The following NDUFA11 variants were observed in gnomAD, a reference collection of about 807,000 sequenced individuals.
NDUFA11 encodes the protein NADH:ubiquinone oxidoreductase subunit A11, also known as NADH dehydrogenase [ubiquinone] 1 alpha subcomplex subunit 11.
NDUFA11 carries 14 observed loss-of-function variants against 11.3 expected under a neutral mutation model. The observed-to-expected ratio is 1.24, with a 90% CI of 0.82 to 1.94. The LOEUF (loss-of-function observed/expected upper bound fraction) is 1.94, where lower values mean the gene tolerates loss of function less well. Among genes scored for constraint, NDUFA11 ranks in the 30% most tolerant of loss-of-function variants. The pLI is 0.00. For synonymous variants in NDUFA11, 87 were observed against 85.6 expected, an observed-to-expected ratio of 1.02 and a Z score of -0.09; for missense variants, 204 against 200.3, an observed-to-expected ratio of 1.02 and a Z score of -0.11.
downstream of NDUFA11, chr19:5,891,887 T>A (rs1456724890): frequency 1.3e-5 from 2 of 152,012 alleles, no homozygotes; most frequent in Non-Finnish European, 2.9e-5. Context: ...AAGGGCTCCA[T>A]GAAGTTCAAG....
At chr19:5,899,361 G>A (rs2057630524) in intron 1 of NDUFA11, among the ~76,000 whole-genome samples, 1 of 151,060 alleles carries the variant, frequency 6.6e-6, no homozygotes, top group Admixed American at 6.6e-5. Context: ...GTGTTAGCCA[G>A]GATGGTCTCC....
chr19:5,893,711 T>C (rs1351576875), downstream of NDUFA11, among the ~76,000 whole-genome samples: 2 of 152,000 alleles, frequency 1.3e-5, no homozygotes, highest in Non-Finnish European at 2.9e-5. This position sits in a 1 kb window ranked among gnomAD's most constrained non-coding sequence, Gnocchi z 4.1. Flanking sequence ...CCAGGCTGAG[T>C]TACTACTCGG....
intron 1 of NDUFA11, among the ~76,000 whole-genome samples, chr19:5,903,358 G>A (rs2057657531): frequency 6.6e-6 from 1 of 152,062 alleles, no homozygotes; most frequent in Non-Finnish European, 1.5e-5. Context: ...GCGATAGCTT[G>A]GGACCGCCTC....
chr19:5,903,529 C>T, intron 1 of NDUFA11, 83 bp downstream of exon 1: 1 of 1,330,174 alleles, frequency 7.5e-7, no homozygotes, highest in Non-Finnish European at 1.0e-6. Context: ...CTCCCAGACC[C>T]GTTCGATCCA....
chr19:5,897,216 C>G (rs2057616012), intron 1 of NDUFA11, among the ~76,000 whole-genome samples: 1 of 152,182 alleles, frequency 6.6e-6, no homozygotes, highest in Non-Finnish European at 1.5e-5. Context: ...CCCCGCCAGG[C>G]CTTCCTTGGC....
intron 1 of NDUFA11, chr19:5,901,211 T>C: frequency 1.1e-6 from 1 of 918,762 alleles, no homozygotes; most frequent in South Asian, 2.0e-5. Context: ...CATTTTGTAT[T>C]CACACATGAG....
chr19:5,894,543 C>CT (rs2057595206), downstream of NDUFA11: 1 of 1,151,894 alleles, frequency 8.7e-7, no homozygotes, highest in Non-Finnish European at 1.2e-6. Flanking sequence ...GGCTGGTACC[C>CT]TTGGCAGGGA....
In NDUFA11 at chr19:5,896,214, C is replaced by T. The variant is rs572709353; in HGVS notation, c.313+239G>A. On this transcript the variant is annotated intron_variant, in intron 3 of 3. Coordinates refer to ENST00000308961, the MANE Select transcript of NDUFA11 (RefSeq NM_175614.5). This position sits in a 1 kb window ranked among gnomAD's most constrained non-coding sequence, Gnocchi z 5.8. ...ATGTGGGAGGAGCAGTGAGGAGGCC[C>T]GTGTGGCTGGAGCAGAGTGAGGAGG... is the stretch of plus-strand genomic sequence containing the variant. The T allele has an allele frequency of 2.7e-4, 158 of 578,760 alleles. No individual in the cohort carries two copies. In the African/African-American group the frequency reaches 3.0e-3, roughly 11 times the overall value. 35.9% of individuals were successfully genotyped at this position (578,760 alleles called of 1,614,324 possible).
At chr19:5,900,629 G>C (rs58883309) in intron 1 of NDUFA11, among the ~76,000 whole-genome samples, 1 of 152,188 alleles carries the variant, frequency 6.6e-6, no homozygotes, top group Non-Finnish European at 1.5e-5. Context: ...GAAGAATTTA[G>C]GGAGAAGGGT....
Position 5,896,752 on chromosome 19 carries a change from A to G in NDUFA11, c.190+153T>C. On this transcript the variant is annotated intron_variant, in intron 2 of 3. Coordinates refer to ENST00000308961, the MANE Select transcript of NDUFA11 (RefSeq NM_175614.5). The surrounding 1 kb of genome is among the most constrained non-coding windows in gnomAD (Gnocchi z 5.8). Reference sequence around the variant, plus strand: ...TCCTGGGCCTCCCCACCCTACATGTATTCCTGATAAAGGAACACCCCACTT... The same window carrying G: ...TCCTGGGCCTCCCCACCCTACATGTGTTCCTGATAAAGGAACACCCCACTT... 1.7e-6 allele frequency: 2 copies of G among 1,187,914 alleles called. No homozygotes were observed. Among genetic ancestry groups the G allele is most frequent in the Admixed American group, 3.5e-5 (2 of 56,536 alleles). 73.6% of individuals were successfully genotyped at this position (1,187,914 alleles called of 1,614,324 possible). A position where few individuals can be genotyped will look rare whatever the true frequency, so the allele number is the denominator to read the frequency against.
Position 5,894,839 on chromosome 19 carries a change from A to G in NDUFA11, c.329T>C (p.Ile110Thr), listed in dbSNP as rs1178845495. The change falls in exon 4 of 4, where the codon ATT becomes ACT. Residue 110 changes from isoleucine (I) to threonine (T), a missense_variant. Physicochemically the swap from Ile to Thr is moderately conservative, Grantham distance 89. Coordinates refer to ENST00000308961, the MANE Select transcript of NDUFA11 (RefSeq NM_175614.5). ...AAAGTACACGCAGGCGGCGGCGCCAATCCCGTAGTTGTGCGCTGTGGGAGT... is the reference window on the plus strand; with the variant it reads ...AAAGTACACGCAGGCGGCGGCGCCAGTCCCGTAGTTGTGCGCTGTGGGAGT... Reference protein sequence around the residue: ...TLGARTHNYGIGAAACVYFGI... With the variant: ...TLGARTHNYGTGAAACVYFGI... 4 of 1,609,558 alleles carry G rather than the reference A, an allele frequency of 2.5e-6. No homozygotes were observed. The African/African-American group carries it at 4.0e-5, about 16-fold the overall frequency.
At chr19:5,893,051 C>A (rs1183455900), downstream of NDUFA11, 1 of 1,535,876 alleles carries the variant, frequency 6.5e-7, no homozygotes, top group South Asian at 1.2e-5. This position sits in a 1 kb window ranked among gnomAD's most constrained non-coding sequence, Gnocchi z 4.1. Flanking sequence ...GCCCGGGCAC[C>A]CAGCTCCGGA....
At chr19:5,892,207 GCT>G (rs2057582070), downstream of NDUFA11, 1 of 152,782 alleles carries the variant, frequency 6.5e-6, no homozygotes, top group South Asian at 2.1e-4. Context: ...TGAGCCGTCG[GCT>G]CCCTTGAACA....
In NDUFA11 at chr19:5,899,445, C is replaced by T. The variant is rs566063576; in HGVS notation, c.98-2448G>A. ...GATTACAGGCGTGAGCCACCGCGCC[C>T]GGACTCTTTTTTTTTTTTTTTTTTT... On this transcript the variant is annotated intron_variant, in intron 1 of 3. Coordinates refer to ENST00000308961, the MANE Select transcript of NDUFA11 (RefSeq NM_175614.5). Among the ~76,000 whole-genome samples, 11 of 134,750 alleles carry T rather than the reference C, an allele frequency of 8.2e-5. No homozygotes were observed. The South Asian group carries it at 1.4e-3, about 18-fold the overall frequency. 88.4% of individuals were successfully genotyped at this position (134,750 alleles called of 152,430 possible). A position where few individuals can be genotyped will look rare whatever the true frequency, so the allele number is the denominator to read the frequency against.
Position 5,896,030 on chromosome 19 carries a change from G to A in NDUFA11, c.313+423C>T. 3.1e-6 allele frequency: 1 copy of A among 326,838 alleles called. No homozygotes were observed. Among genetic ancestry groups the A allele is most frequent in the African/African-American group, 2.1e-5 (1 of 48,082 alleles). The allele number at this position is 326,838 out of a possible 1,614,324, so 20.2% of individuals were successfully genotyped here. On this transcript the variant is annotated intron_variant, in intron 3 of 3. Transcript: ENST00000308961. This position sits in a 1 kb window ranked among gnomAD's most constrained non-coding sequence, Gnocchi z 5.8. ...GGCAGAGACAGGGGGTGACCTTGGT[G>A]ACCTGTGTCCTCTGACAAGGCACAC...
downstream of NDUFA11, chr19:5,894,544 T>C: frequency 1.7e-6 from 2 of 1,152,740 alleles, no homozygotes; most frequent in Non-Finnish European, 2.4e-6. Context: ...GCTGGTACCC[T>C]TGGCAGGGAC....
At chr19:5,897,716 G>A (rs994967745) in intron 1 of NDUFA11, among the ~76,000 whole-genome samples, 1 of 152,332 alleles carries the variant, frequency 6.6e-6, no homozygotes, top group Non-Finnish European at 1.5e-5. Context: ...CTATGCATGA[G>A]GAGCTTGGGC....
chr19:5,903,596 C>A lies in NDUFA11; in HGVS notation c.97+16G>T, dbSNP rs201657749. Reference sequence around the variant, plus strand: ...CGGCCTCGGCCCTCCACCCTCGGGGCCCGGCCGGCGCTCACCAGCGACGCT... The same window carrying A: ...CGGCCTCGGCCCTCCACCCTCGGGGACCGGCCGGCGCTCACCAGCGACGCT... On this transcript the variant is annotated intron_variant, in intron 1 of 3. Transcript: ENST00000308961. The A allele has an allele frequency of 4.1e-5, 64 of 1,548,592 alleles. No homozygotes were observed. The East Asian group carries it at 1.4e-3, about 34-fold the overall frequency.
intron 3 of NDUFA11, 71 bp from the exon 4 acceptor site, chr19:5,894,925 C>T (rs1207447402): frequency 1.1e-5 from 16 of 1,501,084 alleles, no homozygotes; most frequent in Non-Finnish European, 1.3e-5. Context: ...ACGCCCTGGC[C>T]GGTGCCCACC....
Sources: gnomAD v4.1 joint callset for allele counts (sites outside exome capture counted in the v4.1 genomes callset) on GRCh38, gnomAD v4.1.1 for gene constraint, Gnocchi (gnomAD v3.1) non-coding constraint, MANE v1.5 for transcripts, NCBI Gene and HGNC (gene_info 2026-07-23, HGNC 2026-07-21) for gene names.